The following C1QTNF8 variants were observed in gnomAD, a reference collection of about 807,000 sequenced individuals.
The protein encoded by C1QTNF8 is C1q and TNF related 8, also known as complement C1q tumor necrosis factor-related protein 8.
A neutral mutation model predicts 19.2 loss-of-function variants in C1QTNF8; 27 were observed. The observed-to-expected ratio is 1.41, with a 90% confidence interval of 1.04 to 1.94. The LOEUF (loss-of-function observed/expected upper bound fraction) is 1.94, where lower values mean the gene tolerates loss of function less well. Ranked by LOEUF, C1QTNF8 falls within the 30% of genes most tolerant of loss-of-function variation. The probability of loss-of-function intolerance (pLI) is 0.00; values close to 1 mark genes in which losing one functional copy is unlikely to be tolerated. For missense variants in C1QTNF8, 484 were observed against 374.4 expected, an observed-to-expected ratio of 1.29 and a Z score of -2.42; for synonymous variants, 208 against 172.8, an observed-to-expected ratio of 1.20 and a Z score of -1.60.
In C1QTNF8 at chr16:1,093,454, A is replaced by G. The variant is rs766387393; in HGVS notation, c.*4+43T>C. ...CACACACACACACAGACACACACAC[A>G]CACGCGCGCGCGCGCCCGGTGCTCA... On this transcript the variant is annotated intron_variant, in intron 4 of 4. Transcript: ENST00000328449. The G allele has an allele frequency of 3.8e-5, 46 of 1,208,186 alleles. 1 individual carries two copies. In the African/African-American group the frequency reaches 8.6e-4, roughly 23 times the overall value. The allele number at this position is 1,208,186 out of a possible 1,614,324, so 74.8% of individuals were successfully genotyped here.
rs755605082 is a variant in C1QTNF8, at chr16:1,093,922, C to T, written c.338G>A (p.Arg113Gln). 1 of 1,513,176 alleles carries T rather than the reference C, an allele frequency of 6.6e-7. No individual in the cohort carries two copies. Among genetic ancestry groups the T allele is most frequent in the Admixed American group, 2.2e-5 (1 of 45,294 alleles). 93.7% of individuals were successfully genotyped at this position (1,513,176 alleles called of 1,614,324 possible). A position where few individuals can be genotyped will look rare whatever the true frequency, so the allele number is the denominator to read the frequency against. Residue 113 changes from arginine to glutamine, a missense_variant, in exon 4 of 5, where the codon CGA (arginine) becomes CAA (glutamine). Physicochemically the swap from Arg to Gln is conservative, Grantham distance 43 (BLOSUM62 1). Coordinates refer to ENST00000328449, the MANE Select transcript of C1QTNF8 (RefSeq NM_207419.3). ...CACGGAGAAGGCGGCGTAGGCACGT[C>T]GGCACGCGGCGCCCGGCGGCCCCAC... ...GQVGPPGAAC[R>Q]RAYAAFSVGR... is the part of the protein sequence containing the mutation.
At position 1,093,669 on chromosome 16, in the gene C1QTNF8, G is replaced by A. The variant is rs1302800189; in HGVS notation, c.591C>T (p.Ser197=). Residue 197 remains serine, a synonymous_variant, in exon 4 of 5, where the codon AGC becomes AGT. Coordinates refer to ENST00000328449, the MANE Select transcript of C1QTNF8 (RefSeq NM_207419.3). Reference sequence around the variant, plus strand: ...TCTGGGCCTGCATGACGCTGCGCTCGCTGGGCTGCGCGTAGAGCACGGCCG... The same window carrying A: ...TCTGGGCCTGCATGACGCTGCGCTCACTGGGCTGCGCGTAGAGCACGGCCG... The part of the protein sequence containing the change: ...RPAAVLYAQP[S]ERSVMQAQSL... The A allele has an allele frequency of 3.1e-6, 5 of 1,609,892 alleles. No individual in the cohort carries two copies. In the East Asian group the frequency reaches 6.7e-5, roughly 22 times the overall value.
Position 1,088,446 on chromosome 16 carries a change from G to A in C1QTNF8, c.*2153C>T, listed in dbSNP as rs923607267. ...GGTTCTGATGGGGTGGCTCCCCCTT[G>A]TCTCCTAAGTGGCCAGGGCAGCACG... On this transcript the variant is annotated 3_prime_UTR_variant, in exon 5 of 5. Transcript: ENST00000328449. Among the ~76,000 whole-genome samples, 1 of 152,190 alleles carries A rather than the reference G, an allele frequency of 6.6e-6. No individual in the cohort carries two copies. The highest frequency in any genetic ancestry group is 1.5e-5 in the Non-Finnish European group (1 of 68,024).
intron 3 of C1QTNF8, 50 bp downstream of exon 3, chr16:1,094,665 G>A: frequency 1.3e-6 from 2 of 1,509,190 alleles, no homozygotes; most frequent in Non-Finnish European, 1.8e-6. Context: ...CTCCCTGTGG[G>A]CTGTTGGGTC....
intron 3 of C1QTNF8, 22 bp from the exon 4 acceptor site, chr16:1,094,073 C>T: frequency 7.0e-7 from 1 of 1,420,878 alleles, no homozygotes; most frequent in Non-Finnish European, 9.1e-7. Context: ...AAACGAAAGC[C>T]ACGGGTCGGG....
Position 1,093,540 on chromosome 16 carries a change from G to C in C1QTNF8, c.720C>G (p.Thr240=), listed in dbSNP as rs565955146. 4.7e-5 allele frequency: 74 copies of C among 1,569,664 alleles called. 1 individual carries two copies. The African/African-American group carries it at 8.4e-4, about 18-fold the overall frequency. The change falls in exon 4 of 5, where the codon ACC becomes ACG. Residue 240 remains threonine, a synonymous_variant. Transcript: ENST00000328449. ...IYGEHGDLYI[T]FSGHLVKPAA... The stretch of plus-strand genomic sequence containing the variant: ...CCGGCTTGACCAGGTGGCCGCTGAA[G>C]GTGATGTAGAGGTCTCCGTGCTCGC...
rs939831346 is a variant in C1QTNF8, at chr16:1,088,888, C to A, written c.*1711G>T. Among the ~76,000 whole-genome samples the A allele has an allele frequency of 2.0e-5, 3 of 147,670 alleles. No individual in the cohort carries two copies. Among genetic ancestry groups the A allele is most frequent in the Non-Finnish European group, 4.5e-5 (3 of 66,822 alleles). On this transcript the variant is annotated 3_prime_UTR_variant, in exon 5 of 5. Coordinates refer to ENST00000328449, the MANE Select transcript of C1QTNF8 (RefSeq NM_207419.3). ...GCGACGTCTGTGCGGGGAGGTCCAG[C>A]CTGTCCCTCGGAATAAGCGCCTGGC...
rs754703495 is a variant in C1QTNF8 at position 1,093,750 on chromosome 16, C to A, written c.510G>T (p.Val170=). The A allele has an allele frequency of 1.2e-6, 2 of 1,612,252 alleles. No homozygotes were observed. The highest frequency in any genetic ancestry group is 1.7e-6 in the Non-Finnish European group (2 of 1,179,688). ...AGGTCTCCTTGTAGTTCCAGGTGTG[C>A]ACGTTGAGGCTGAGGAAGTAGACGC... is the stretch of plus-strand genomic sequence containing the variant. ...VPGVYFLSLN[V]HTWNYKETYL... is the part of the protein sequence containing the mutation. The change falls in exon 4 of 5, where the codon GTG becomes GTT. Residue 170 remains valine, a synonymous_variant. Coordinates refer to ENST00000328449, the MANE Select transcript of C1QTNF8 (RefSeq NM_207419.3).
chr16:1,092,260 C>T (rs1169035623), intron 4 of C1QTNF8, among the ~76,000 whole-genome samples: 1 of 152,188 alleles, frequency 6.6e-6, no homozygotes, highest in Non-Finnish European at 1.5e-5. Flanking sequence ...TGCACACAGT[C>T]GGCACTCAAT....
Position 1,089,473 on chromosome 16 carries a change from A to G in C1QTNF8, c.*1126T>C, listed in dbSNP as rs1960498960. 6.6e-6 allele frequency among the ~76,000 whole-genome samples: 1 copy of G among 152,086 alleles called. No individual in the cohort carries two copies. The highest frequency in any genetic ancestry group is 2.4e-5 in the African/African-American group (1 of 41,432). ...GACCTGCAAGCCCAGGGCCCCTCAC[A>G]GCTGCTCTGGGGTCCCCGACAGAGG... On this transcript the variant is annotated 3_prime_UTR_variant, in exon 5 of 5. Coordinates refer to ENST00000328449, the MANE Select transcript of C1QTNF8 (RefSeq NM_207419.3).
At chr16:1,092,529 C>G (rs1472951073) in intron 4 of C1QTNF8, among the ~76,000 whole-genome samples, 8 of 130,964 alleles carry the variant, frequency 6.1e-5, no homozygotes, top group African/African-American at 1.8e-4. Context: ...CAACCAATCA[C>G]AGCACACAGT....
In C1QTNF8 at chr16:1,093,887, C is replaced by A; in HGVS notation, c.373G>T (p.Glu125Ter). The A allele has an allele frequency of 6.4e-7, 1 of 1,568,924 alleles. No homozygotes were observed. The highest frequency in any genetic ancestry group is 8.6e-7 in the Non-Finnish European group (1 of 1,165,980). ...AAGTGGTCGGAGCTGTGCAGGCCCT[C>A]GCGCCGGCCCACGGAGAAGGCGGCG... The part of the protein sequence containing the change: ...AYAAFSVGRR[E>*]GLHSSDHFQA... The change falls in exon 4 of 5, where the codon GAG (glutamate) becomes TAG (stop). Residue 125 changes from glutamate to a stop codon, truncating the protein, a stop_gained. Transcript: ENST00000328449. LOFTEE classifies it high-confidence loss of function.
At chr16:1,092,584 CCTGCACACAGTCGGCGCTCAACAAATCA>C (rs1960573480) in intron 4 of C1QTNF8, among the ~76,000 whole-genome samples, 2 of 107,576 alleles carry the variant, frequency 1.9e-5, no homozygotes, top group Admixed American at 9.0e-5. Flanking sequence ...TCAACCAATC[CCTGCACACAGTCGGCGCTCAACAAATCA>C]CTGCACACAG....
intron 4 of C1QTNF8, among the ~76,000 whole-genome samples, chr16:1,091,920 C>T (rs1960552941): frequency 6.6e-6 from 1 of 151,614 alleles, no homozygotes; most frequent in Non-Finnish European, 1.5e-5. Flanking sequence ...TTTTGGCCTC[C>T]CCTGGGTCCA....
At chr16:1,091,801 G>A (rs964076615) in intron 4 of C1QTNF8, among the ~76,000 whole-genome samples, 1 of 152,090 alleles carries the variant, frequency 6.6e-6, no homozygotes, top group African/African-American at 2.4e-5. Context: ...GCTCAGCCGC[G>A]TGTTTCCTGC....
chr16:1,093,645 C>G lies in C1QTNF8; in HGVS notation c.615G>C (p.Gln205His), dbSNP rs867997131. The change falls in exon 4 of 5, where the codon CAG (glutamine) becomes CAC (histidine). Residue 205 changes from glutamine to histidine, a missense_variant. Physicochemically the swap from Gln to His is conservative, Grantham distance 24. Coordinates refer to ENST00000328449, the MANE Select transcript of C1QTNF8 (RefSeq NM_207419.3). ...QPSERSVMQAQSLMLLLAAGD... is the reference protein window; with the variant it reads ...QPSERSVMQAHSLMLLLAAGD... ...CCGCCGCCAGCAGCAGCATCAGGCT[C>G]TGGGCCTGCATGACGCTGCGCTCGC... 9.9e-6 allele frequency: 16 copies of G among 1,611,004 alleles called. No individual in the cohort carries two copies. In the Middle Eastern group the frequency reaches 2.2e-3, roughly 219 times the overall value.
Position 1,094,821 on chromosome 16 carries a change from C to A in C1QTNF8, c.102G>T (p.Trp34Cys), listed in dbSNP as rs1206811162. 3 of 1,478,636 alleles carry A rather than the reference C, an allele frequency of 2.0e-6. No individual in the cohort carries two copies. Among genetic ancestry groups the A allele is most frequent in the Non-Finnish European group, 2.7e-6 (3 of 1,114,324 alleles). The allele number at this position is 1,478,636 out of a possible 1,614,324, so 91.6% of individuals were successfully genotyped here. Residue 34 changes from tryptophan (W) to cysteine (C), a missense_variant, in exon 3 of 5, where the codon TGG becomes TGT. Trp to Cys is a radical substitution (Grantham distance 215). Coordinates refer to ENST00000328449, the MANE Select transcript of C1QTNF8 (RefSeq NM_207419.3). The stretch of plus-strand genomic sequence containing the variant: ...TCACCCGGGCATAGGGTCCAGGGGG[C>A]CAGGCCGGGCGGCAGCAGTGCACAC... ...RPCVHCCRPA[W>C]PPGPYARVSD... is the part of the protein sequence containing the mutation.
Position 1,093,583 on chromosome 16 carries a change from C to T in C1QTNF8, c.677G>A (p.Arg226Gln), listed in dbSNP as rs766757696. Residue 226 changes from arginine (R) to glutamine (Q), a missense_variant, in exon 4 of 5, where the codon CGG becomes CAG. Coordinates refer to ENST00000328449, the MANE Select transcript of C1QTNF8 (RefSeq NM_207419.3). The stretch of plus-strand genomic sequence containing the variant: ...GTGCTCGCCGTAGATGGCGTTGTCC[C>T]GGTCGCGCTGGAACATGCGCACCCA... ...AVWVRMFQRDRDNAIYGEHGD... is the reference protein window; with the variant it reads ...AVWVRMFQRDQDNAIYGEHGD... The T allele has an allele frequency of 4.8e-5, 77 of 1,599,572 alleles. No homozygotes were observed. The Middle Eastern group carries it at 5.1e-4, about 11-fold the overall frequency.
rs1458550020 is a variant in C1QTNF8 at position 1,090,553 on chromosome 16, C to G, written c.*46G>C. 2.0e-5 allele frequency: 3 copies of G among 152,376 alleles called. No individual in the cohort carries two copies. Among genetic ancestry groups the G allele is most frequent in the Non-Finnish European group, 4.4e-5 (3 of 68,198 alleles). The allele number at this position is 152,376 out of a possible 1,614,324, so 9.4% of individuals were successfully genotyped here. ...GTGAGGCGAAGTGGAGAGGCGGGCG[C>G]GCCAGCCGGGGCTCCCAGAGTCCCC... On this transcript the variant is annotated 3_prime_UTR_variant, in exon 5 of 5. Transcript: ENST00000328449.
Sources: allele counts gnomAD v4.1 joint callset (sites outside exome capture counted in the v4.1 genomes callset), GRCh38; gene constraint gnomAD v4.1.1; transcripts MANE v1.5; gene names NCBI Gene and HGNC (gene_info 2026-07-23, HGNC 2026-07-21).